The following ADCY3 variants were observed in gnomAD, a reference collection of about 807,000 sequenced individuals.
ADCY3 encodes adenylate cyclase 3.
In ADCY3, 70 loss-of-function variants were observed where a neutral mutation model predicts 119.4. The observed-to-expected ratio is 0.59, with a 90% confidence interval of 0.48 to 0.72. The LOEUF is 0.72. Among genes scored for constraint, ADCY3 ranks in the 30% least tolerant of loss-of-function variants. The probability of loss-of-function intolerance (pLI) is 0.00; values close to 1 mark genes in which losing one functional copy is unlikely to be tolerated. For synonymous variants in ADCY3, 672 were observed against 621.4 expected, an observed-to-expected ratio of 1.08 and a Z score of -1.21; for missense variants, 1,238 against 1,541.6, an observed-to-expected ratio of 0.80 and a Z score of 3.30.
chr2:24,843,889 G>A (rs1276679369), intron 3 of ADCY3, among the ~76,000 whole-genome samples: 2 of 152,228 alleles, frequency 1.3e-5, no homozygotes, highest in Non-Finnish European at 2.9e-5. Flanking sequence ...GGCTCAGCAG[G>A]GAGCTGGTCA....
Position 24,918,900 on chromosome 2 carries a change from G to C in ADCY3, c.88C>G (p.Arg30Gly). The C allele has an allele frequency of 6.2e-7, 1 of 1,612,844 alleles. No homozygotes were observed. Among genetic ancestry groups the C allele is most frequent in the Non-Finnish European group, 8.5e-7 (1 of 1,180,002 alleles). ...YSVSLPSDPD[R>G]GVGRTHEISV... ...ATTTCATGGGTCCGGCCCACCCCGC[G>C]GTCAGGGTCGGAGGGCAGGCTGACG... is the stretch of plus-strand genomic sequence containing the variant. The change falls in exon 2 of 22, where the codon CGC becomes GGC. Residue 30 changes from arginine (R) to glycine (G), a missense_variant. Transcript: ENST00000679454. This position sits in a 1 kb window ranked among gnomAD's most constrained non-coding sequence, Gnocchi z 5.4.
At chr2:24,870,261 C>G (rs1674815151) in intron 3 of ADCY3, among the ~76,000 whole-genome samples, 1 of 141,130 alleles carries the variant, frequency 7.1e-6, no homozygotes, top group Non-Finnish European at 1.5e-5. Flanking sequence ...ACGGAGGTTG[C>G]AGTGAGCCGA....
Position 24,903,034 on chromosome 2 carries a change from C to T in ADCY3, c.675+15279G>A, listed in dbSNP as rs377551540. Among the ~76,000 whole-genome samples the T allele has an allele frequency of 1.3e-4, 19 of 151,900 alleles. No individual in the cohort carries two copies. The East Asian group carries it at 3.3e-3, about 26-fold the overall frequency. On this transcript the variant is annotated intron_variant, in intron 2 of 21. Transcript: ENST00000679454. ...TGGTGGCGGGCGCCTATAGTCCCAG[C>T]CACTCAGGAGGCTGAGGCAGGAGAA...
At chr2:24,820,449 C>T (rs892033958) in intron 21 of ADCY3, 74 of 1,325,350 alleles carry the variant, frequency 5.6e-5, no homozygotes, top group Admixed American at 2.8e-4. Flanking sequence ...CTGCCAGACG[C>T]CACTGAGACA....
At chr2:24,893,898 A>G (rs766289565) in intron 2 of ADCY3, among the ~76,000 whole-genome samples, 1 of 152,152 alleles carries the variant, frequency 6.6e-6, no homozygotes, top group Non-Finnish European at 1.5e-5. Flanking sequence ...GCCACTGCCA[A>G]TATCTGCCTA....
At position 24,842,801 on chromosome 2, in the gene ADCY3, G is replaced by A. The variant is rs1045430700; in HGVS notation, c.826-417C>T. Among the ~76,000 whole-genome samples, 22 of 152,336 alleles carry A rather than the reference G, an allele frequency of 1.4e-4. No individual in the cohort carries two copies. The highest frequency in any genetic ancestry group is 3.4e-3 in the Middle Eastern group (1 of 294). On this transcript the variant is annotated intron_variant, in intron 3 of 21. Transcript: ENST00000679454. The surrounding 1 kb of genome is among the most constrained non-coding windows in gnomAD (Gnocchi z 4.9). ...CGCTCACAAAATTCTGCTTTGACCT[G>A]ATCAAAGACTGACAGCAGACCAGGC...
At chr2:24,839,823 G>C in intron 7 of ADCY3, 50 bp downstream of exon 7, 1 of 1,612,502 alleles carries the variant, frequency 6.2e-7, no homozygotes, top group South Asian at 1.1e-5. Flanking sequence ...GGATGGAGGG[G>C]ACGGTCCCCT....
At position 24,819,982 on chromosome 2, in the gene ADCY3, G is replaced by A. The variant is rs1558389122; in HGVS notation, c.3385C>T (p.Pro1129Ser). 2.5e-6 allele frequency: 4 copies of A among 1,613,544 alleles called. No homozygotes were observed. The highest frequency in any genetic ancestry group is 3.4e-6 in the Non-Finnish European group (4 of 1,179,778). ...LKGRDKLATFPNGPSVTLPHQ... is the reference protein window; with the variant it reads ...LKGRDKLATFSNGPSVTLPHQ... ...GGCAGTGTGACAGAGGGGCCATTGG[G>A]GAAGGTGGCTAGCTTATCCCGCCCC... is the stretch of plus-strand genomic sequence containing the variant. Residue 1129 changes from proline (P) to serine (S), a missense_variant, in exon 22 of 22, where the codon CCC (proline) becomes TCC (serine). This residue lies in a region of ADCY3 where 86 missense variants were observed against 70.7 expected (regional missense o/e 1.22). Transcript: ENST00000679454.
At chr2:24,835,758 A>C (rs1477365012) in intron 9 of ADCY3, among the ~76,000 whole-genome samples, 1 of 152,080 alleles carries the variant, frequency 6.6e-6, no homozygotes, top group Non-Finnish European at 1.5e-5. Context: ...CAACATAGTG[A>C]AACTCCATCT....
chr2:24,838,784 T>C (rs1016460240), intron 7 of ADCY3, 162 bp from the exon 8 acceptor site: 22 of 1,595,446 alleles, frequency 1.4e-5, no homozygotes, highest in African/African-American at 2.7e-5. Flanking sequence ...ACTAACTAGC[T>C]GTGTGGGCCG....
At chr2:24,890,994 C>G (rs1157963779) in intron 2 of ADCY3, among the ~76,000 whole-genome samples, 1 of 152,114 alleles carries the variant, frequency 6.6e-6, no homozygotes, top group Non-Finnish European at 1.5e-5. Flanking sequence ...GCCTCAGCCT[C>G]CCAAGTAAGT....
chr2:24,916,772 C>T lies in ADCY3; in HGVS notation c.675+1541G>A, dbSNP rs549838638. The stretch of plus-strand genomic sequence containing the variant: ...AGTCAATGACCAGAAACTCACAGCC[C>T]CCTCTACAGAGATTTGGGGTGGGGA... On this transcript the variant is annotated intron_variant, in intron 2 of 21. Transcript: ENST00000679454. Among the ~76,000 whole-genome samples the T allele has an allele frequency of 3.3e-5, 5 of 152,292 alleles. No homozygotes were observed. In the East Asian group the frequency reaches 9.6e-4, roughly 29 times the overall value.
chr2:24,902,634 C>T (rs1430143874), intron 2 of ADCY3, among the ~76,000 whole-genome samples: 1 of 152,148 alleles, frequency 6.6e-6, no homozygotes, highest in African/African-American at 2.4e-5. Context: ...ACCCCTGAGA[C>T]AGCAAAACCA....
At chr2:24,869,018 C>T (rs550995394) in intron 3 of ADCY3, among the ~76,000 whole-genome samples, 47 of 152,148 alleles carry the variant, frequency 3.1e-4, no homozygotes, top group Middle Eastern at 3.4e-3. Flanking sequence ...AGCCAGACTC[C>T]GTCTCAAAAT....
intron 3 of ADCY3, among the ~76,000 whole-genome samples, chr2:24,870,638 C>T (rs546801049): frequency 6.6e-6 from 1 of 152,310 alleles, no homozygotes; most frequent in East Asian, 1.9e-4. Context: ...CCACTGTGGC[C>T]CGGGCAGGCT....
At chr2:24,838,945 T>C (rs535115205) in intron 7 of ADCY3, 6 of 1,340,114 alleles carry the variant, frequency 4.5e-6, no homozygotes, top group African/African-American at 4.5e-5. Context: ...TAAGGAATTT[T>C]TTTTTTTTTT....
Position 24,842,574 on chromosome 2 carries a change from C to A in ADCY3, c.826-190G>T, listed in dbSNP as rs1197997052. 7.3e-5 allele frequency: 51 copies of A among 696,314 alleles called. No individual in the cohort carries two copies. Among genetic ancestry groups the A allele is most frequent in the Non-Finnish European group, 6.0e-5 (26 of 430,186 alleles). The allele number at this position is 696,314 out of a possible 1,614,324, so 43.1% of individuals were successfully genotyped here. The stretch of plus-strand genomic sequence containing the variant: ...TGGGACAGGCAGCTTCTGGCCCTGA[C>A]AAGGCTGAGGGTGGCAATGGCCCCT... On this transcript the variant is annotated intron_variant, in intron 3 of 21. Coordinates refer to ENST00000679454, the MANE Select transcript of ADCY3 (RefSeq NM_004036.5). The surrounding 1 kb of genome is among the most constrained non-coding windows in gnomAD (Gnocchi z 4.9).
rs1365718706 is a variant in ADCY3, at chr2:24,918,289, G to C, written c.675+24C>G. 15 of 1,529,774 alleles carry C rather than the reference G, an allele frequency of 9.8e-6. No homozygotes were observed. Among genetic ancestry groups the C allele is most frequent in the South Asian group, 5.2e-5 (4 of 77,484 alleles). The allele number at this position is 1,529,774 out of a possible 1,614,324, so 94.8% of individuals were successfully genotyped here. On this transcript the variant is annotated intron_variant, in intron 2 of 21. Transcript: ENST00000679454. The surrounding 1 kb of genome is among the most constrained non-coding windows in gnomAD (Gnocchi z 5.4). ...TGAGAGCTGCAGGAGAGGACGCTGT[G>C]GGGGGACAGTGGGCAGGACTCACCT...
At chr2:24,831,343 G>A (rs1669475745) in intron 12 of ADCY3, among the ~76,000 whole-genome samples, 1 of 151,974 alleles carries the variant, frequency 6.6e-6, no homozygotes, top group South Asian at 2.1e-4. Flanking sequence ...CCTTCCAGCC[G>A]GCCCTCCACT....
Sources: gnomAD v4.1 joint callset for allele counts (sites outside exome capture counted in the v4.1 genomes callset) on GRCh38, gnomAD v4.1.1 for gene constraint, gnomAD v4.1.1 regional missense constraint, Gnocchi (gnomAD v3.1) non-coding constraint, MANE v1.5 for transcripts, NCBI Gene and HGNC (gene_info 2026-07-23, HGNC 2026-07-21) for gene names.